Variants in DSCAM observed in about 807,000 individuals in gnomAD.
DSCAM encodes the protein DS cell adhesion molecule, also known as cell adhesion molecule DSCAM.
A neutral mutation model predicts 217.7 loss-of-function variants in DSCAM; 47 were observed. That is an observed-to-expected ratio of 0.22 (90% CI 0.17 to 0.28). The LOEUF (loss-of-function observed/expected upper bound fraction) is 0.28. Ranked by LOEUF, DSCAM falls within the 10% of genes least tolerant of loss-of-function variation. DSCAM has a pLI of 1.00. For synonymous variants in DSCAM, 1,056 were observed against 1,015.3 expected, an observed-to-expected ratio of 1.04 and a Z score of -0.76; for missense variants, 2,080 against 2,618.3, an observed-to-expected ratio of 0.79 and a Z score of 4.49.
intron 3 of DSCAM, among the ~76,000 whole-genome samples, chr21:40,585,729 G>A (rs934396284): frequency 6.6e-6 from 1 of 152,062 alleles, no homozygotes; most frequent in African/African-American, 2.4e-5. Context: ...TCATGGGAGT[G>A]GATCCCTCAT....
At chr21:40,045,856 C>T (rs2088834040) in intron 30 of DSCAM, among the ~76,000 whole-genome samples, 1 of 151,966 alleles carries the variant, frequency 6.6e-6, no homozygotes, top group Admixed American at 6.5e-5. Context: ...ATGAGCCTGG[C>T]AGTGTCTCCA....
intron 3 of DSCAM, among the ~76,000 whole-genome samples, chr21:40,533,899 C>T (rs1031874039): frequency 6.6e-6 from 1 of 152,168 alleles, no homozygotes; most frequent in African/African-American, 2.4e-5. Flanking sequence ...CAAGTGGTTT[C>T]CCTGAAAGGA....
At chr21:40,083,425 T>C (rs1251615657) in intron 24 of DSCAM, among the ~76,000 whole-genome samples, 1 of 152,150 alleles carries the variant, frequency 6.6e-6, no homozygotes. Context: ...TGAGACTCCA[T>C]CTCAAAACAA....
intron 3 of DSCAM, among the ~76,000 whole-genome samples, chr21:40,536,864 T>G (rs1187143626): frequency 6.6e-6 from 1 of 152,212 alleles, no homozygotes; most frequent in Non-Finnish European, 1.5e-5. Flanking sequence ...AGCTCTCGAA[T>G]TTTAAAAACA....
intron 1 of DSCAM, among the ~76,000 whole-genome samples, chr21:40,794,888 G>GAAAA (rs5844043): frequency 2.4e-5 from 3 of 126,644 alleles, no homozygotes; most frequent in Non-Finnish European, 3.2e-5. Flanking sequence ...TAGTCAAATT[G>GAAAA]AAAAAAAAAA....
intron 3 of DSCAM, among the ~76,000 whole-genome samples, chr21:40,602,971 T>A (rs1362755028): frequency 0.032 from 2 of 62 alleles, no homozygotes; most frequent in Non-Finnish European, 0.083. Context: ...TTCAATGTTA[T>A]AAGTTTTCTG....
At chr21:40,136,846 G>T (rs1271577530) in intron 18 of DSCAM, among the ~76,000 whole-genome samples, 1 of 152,136 alleles carries the variant, frequency 6.6e-6, no homozygotes. Flanking sequence ...TGGGGAGGGA[G>T]AAGGACAACC....
intron 27 of DSCAM, among the ~76,000 whole-genome samples, chr21:40,066,441 C>A (rs540724576): frequency 6.6e-6 from 1 of 152,186 alleles, no homozygotes; most frequent in Admixed American, 6.5e-5. Context: ...ACTCCTCATA[C>A]GGAATGATTT....
At chr21:40,271,338 C>T (rs2073613676) in intron 11 of DSCAM, among the ~76,000 whole-genome samples, 1 of 152,176 alleles carries the variant, frequency 6.6e-6, no homozygotes, top group African/African-American at 2.4e-5. Context: ...CTCTTTTGTC[C>T]TGCATGCAGG....
chr21:40,460,241 A>C (rs566737897), intron 3 of DSCAM, among the ~76,000 whole-genome samples: 1 of 152,230 alleles, frequency 6.6e-6, no homozygotes, highest in Non-Finnish European at 1.5e-5. Flanking sequence ...TTACCTATGT[A>C]ACAAACCTGC....
intron 3 of DSCAM, among the ~76,000 whole-genome samples, chr21:40,389,859 G>A (rs951220679): frequency 6.6e-6 from 1 of 152,232 alleles, no homozygotes; most frequent in Non-Finnish European, 1.5e-5. Context: ...ATGCAAAAGT[G>A]AGAGAACAGG....
intron 27 of DSCAM, among the ~76,000 whole-genome samples, chr21:40,064,398 C>T (rs1006813462): frequency 4.6e-5 from 7 of 152,160 alleles, no homozygotes; most frequent in African/African-American, 9.7e-5. Context: ...CTCTCCTTTT[C>T]CTATTCTCGG....
chr21:40,650,322 G>C (rs781605989), intron 3 of DSCAM, among the ~76,000 whole-genome samples: 1 of 152,210 alleles, frequency 6.6e-6, no homozygotes, highest in Non-Finnish European at 1.5e-5. Context: ...ATTTCACAAG[G>C]GTGGAGGTAT....
intron 3 of DSCAM, among the ~76,000 whole-genome samples, chr21:40,643,156 A>G (rs2089903763): frequency 6.6e-6 from 1 of 152,246 alleles, no homozygotes; most frequent in African/African-American, 2.4e-5. Flanking sequence ...ATGTAGGAAT[A>G]AGATCTGTCT....
chr21:40,101,961 G>A (rs445822), intron 20 of DSCAM, among the ~76,000 whole-genome samples: 50,761 of 151,938 alleles, frequency 0.33, 10,527 homozygotes, highest in South Asian at 0.54. Context: ...TTCATGCCTC[G>A]TAATAGGAAG....
Position 40,187,705 on chromosome 21 carries a change from T to G in DSCAM, c.2650+186A>C, listed in dbSNP as rs532376893. 2.3e-4 allele frequency among the ~76,000 whole-genome samples: 35 copies of G among 152,320 alleles called. No homozygotes were observed. In the Middle Eastern group the frequency reaches 0.01, roughly 44 times the overall value. The stretch of plus-strand genomic sequence containing the variant: ...GGGCTTCGTTCCCTGTTTGGGGGCT[T>G]TACTTTGACATAATCCCAGGCACTG... On this transcript the variant is annotated intron_variant, in intron 13 of 32. Coordinates refer to ENST00000400454, the MANE Select transcript of DSCAM (RefSeq NM_001389.5).
chr21:40,351,860 T>C (rs1010069402), intron 5 of DSCAM, among the ~76,000 whole-genome samples: 2 of 152,146 alleles, frequency 1.3e-5, no homozygotes, highest in Non-Finnish European at 2.9e-5. Flanking sequence ...AACACATCTT[T>C]GTGGATGGAG....
chr21:40,248,109 C>T (rs930859525), intron 11 of DSCAM, among the ~76,000 whole-genome samples: 2 of 152,176 alleles, frequency 1.3e-5, no homozygotes, highest in African/African-American at 4.8e-5. Context: ...CTGCACACAG[C>T]ATGGGCACCC....
At chr21:40,376,941 G>A (rs1438787655) in intron 3 of DSCAM, among the ~76,000 whole-genome samples, 4 of 152,006 alleles carry the variant, frequency 2.6e-5, no homozygotes, top group Non-Finnish European at 5.9e-5. Context: ...AGTACCTCGG[G>A]ATGTGACTTT....
Sources: gnomAD v4.1 joint callset for allele counts (sites outside exome capture counted in the v4.1 genomes callset) on GRCh38, gnomAD v4.1.1 for gene constraint, MANE v1.5 for transcripts, NCBI Gene and HGNC (gene_info 2026-07-23, HGNC 2026-07-21) for gene names.